The following TBC1D2 variants were observed in gnomAD, a reference collection of about 807,000 sequenced individuals.
TBC1D2 encodes TBC1 domain family member 2A.
Under a neutral mutation model 91.1 loss-of-function variants are expected in TBC1D2, and 58 were observed. The ratio of observed to expected loss-of-function variants is 0.64; its 90% confidence interval spans 0.52 to 0.79. The LOEUF (loss-of-function observed/expected upper bound fraction) is 0.79. Ranked by LOEUF, TBC1D2 falls within the 30% of genes least tolerant of loss-of-function variation. The pLI is 0.00. For missense variants in TBC1D2, 1,080 were observed against 1,208.3 expected, an observed-to-expected ratio of 0.89 and a Z score of 1.57; for synonymous variants, 482 against 511.5, an observed-to-expected ratio of 0.94 and a Z score of 0.78.
chr9:98,239,133 A>G (rs1244076812), intron 3 of TBC1D2, among the ~76,000 whole-genome samples: 2 of 152,118 alleles, frequency 1.3e-5, no homozygotes, highest in Non-Finnish European at 2.9e-5. Flanking sequence ...CTCATAGCTT[A>G]CTGCAGTCTT....
intron 1 of TBC1D2, among the ~76,000 whole-genome samples, chr9:98,254,722 G>C (rs536497540): frequency 3.6e-4 from 55 of 152,204 alleles, no homozygotes; most frequent in African/African-American, 1.3e-3. Flanking sequence ...ACTGACCTTG[G>C]CCAAAATATC....
chr9:98,201,243 C>T (rs1223179806), intron 11 of TBC1D2, among the ~76,000 whole-genome samples: 2 of 152,128 alleles, frequency 1.3e-5, no homozygotes, highest in Non-Finnish European at 2.9e-5. Context: ...AGGGATGTGC[C>T]TCTCTGATCA....
intron 5 of TBC1D2, among the ~76,000 whole-genome samples, chr9:98,227,873 G>T (rs1196819764): frequency 6.6e-6 from 1 of 152,100 alleles, no homozygotes; most frequent in Admixed American, 6.5e-5. Flanking sequence ...CACTGCTTAG[G>T]GGCAGAAAAG....
At chr9:98,239,533 G>A (rs1179546950) in intron 3 of TBC1D2, among the ~76,000 whole-genome samples, 3 of 152,074 alleles carry the variant, frequency 2.0e-5, no homozygotes, top group Admixed American at 1.3e-4. Context: ...CTACTTTATC[G>A]TGGATTAATC....
chr9:98,207,585 G>A (rs1359033770), intron 9 of TBC1D2, among the ~76,000 whole-genome samples: 1 of 152,078 alleles, frequency 6.6e-6, no homozygotes, highest in Non-Finnish European at 1.5e-5. Context: ...TTTCTTTGGG[G>A]AATTTAGAAC....
At chr9:98,200,184 C>G in intron 12 of TBC1D2, 69 bp downstream of exon 12, 3 of 1,591,888 alleles carry the variant, frequency 1.9e-6, no homozygotes, top group Non-Finnish European at 2.6e-6. Flanking sequence ...CAAACATCAG[C>G]CTCCCCTCTG....
At chr9:98,201,085 G>T (rs936836723) in intron 11 of TBC1D2, among the ~76,000 whole-genome samples, 1 of 152,008 alleles carries the variant, frequency 6.6e-6, no homozygotes, top group Non-Finnish European at 1.5e-5. Context: ...TGTAAACTAG[G>T]GCTGAGTTGG....
chr9:98,232,910 C>T (rs1383782568), intron 4 of TBC1D2, among the ~76,000 whole-genome samples: 2 of 152,090 alleles, frequency 1.3e-5, no homozygotes, highest in African/African-American at 4.8e-5. Flanking sequence ...CTCTGCCTCC[C>T]AGGTTCAAGT....
intron 3 of TBC1D2, among the ~76,000 whole-genome samples, chr9:98,238,450 C>T (rs1270455921): frequency 7.3e-6 from 1 of 136,874 alleles, no homozygotes; most frequent in Non-Finnish European, 1.5e-5. Context: ...AATCCTGCAA[C>T]CTTGCTGAAC....
In TBC1D2 at chr9:98,229,654, G is replaced by A. The variant is rs74391089; in HGVS notation, c.782-506C>T. ...GTACTCTGCATTCTTGCTCCAGAGAGCAGCTCAAGCATTTAACTTGATTCT... is the reference window on the plus strand; with the variant it reads ...GTACTCTGCATTCTTGCTCCAGAGAACAGCTCAAGCATTTAACTTGATTCT... On this transcript the variant is annotated intron_variant, in intron 4 of 12. Transcript: ENST00000465784. Among the ~76,000 whole-genome samples the A allele has an allele frequency of 3.6e-3, 542 of 152,396 alleles. 3 individuals are homozygous for A. The highest frequency in any genetic ancestry group is 0.013 in the African/African-American group (521 of 41,596).
Position 98,204,939 on chromosome 9 carries a change from G to A in TBC1D2, c.2151-1531C>T, listed in dbSNP as rs576705457. Among the ~76,000 whole-genome samples the A allele has an allele frequency of 2.0e-5, 3 of 152,312 alleles. No individual in the cohort carries two copies. The East Asian group carries it at 5.8e-4, about 29-fold the overall frequency. ...ATTCCCTTTGTCTAAGCCCATGGTA[G>A]ACATAAGTAATTGATCACAGTACTC... On this transcript the variant is annotated intron_variant, in intron 9 of 12. Transcript: ENST00000465784.
In TBC1D2 at chr9:98,213,208, T is replaced by C; in HGVS notation, c.1385A>G (p.Glu462Gly). The C allele has an allele frequency of 6.2e-7, 1 of 1,614,150 alleles. No homozygotes were observed. Among genetic ancestry groups the C allele is most frequent in the Non-Finnish European group, 8.5e-7 (1 of 1,180,006 alleles). The change falls in exon 7 of 13, where the codon GAA becomes GGA. Residue 462 changes from glutamate to glycine, a missense_variant. Glu to Gly is a moderately conservative substitution (Grantham distance 98). Coordinates refer to ENST00000465784, the MANE Select transcript of TBC1D2 (RefSeq NM_001267571.2). ...GKIEHLKDDM[E>G]AYRTQNCFLN... ...GAAGCAGTTCTGGGTCCGGTAAGCT[T>C]CCATGTCATCCTGGAGAAGAGAGTA...
At chr9:98,201,776 G>T in intron 10 of TBC1D2, 112 bp from the exon 11 acceptor site, 1 of 1,160,540 alleles carries the variant, frequency 8.6e-7, no homozygotes, top group Non-Finnish European at 1.2e-6. Flanking sequence ...GCTGCTCTGG[G>T]CAGGTCCTTT....
chr9:98,237,609 C>T (rs1002142652), intron 3 of TBC1D2, among the ~76,000 whole-genome samples: 4 of 151,198 alleles, frequency 2.6e-5, no homozygotes, highest in African/African-American at 7.3e-5. Context: ...CAGATTCAAG[C>T]GATTCTCCTG....
intron 9 of TBC1D2, among the ~76,000 whole-genome samples, chr9:98,204,653 C>T (rs1828602778): frequency 1.3e-5 from 2 of 152,186 alleles, no homozygotes; most frequent in Admixed American, 1.3e-4. Context: ...AGAAATATCC[C>T]TTCTCTTTCC....
At chr9:98,210,618 C>T (rs1828808026) in intron 8 of TBC1D2, 38 bp downstream of exon 8, 3 of 1,514,530 alleles carry the variant, frequency 2.0e-6, no homozygotes, top group South Asian at 1.3e-5. Context: ...GAGCCGCCAG[C>T]TCACATAGAC....
Position 98,251,836 on chromosome 9 carries a change from T to C in TBC1D2, c.460A>G (p.Thr154Ala). 6.2e-7 allele frequency: 1 copy of C among 1,604,446 alleles called. No homozygotes were observed. Among genetic ancestry groups the C allele is most frequent in the Non-Finnish European group, 8.5e-7 (1 of 1,175,964 alleles). ...TTCCCAGCCAGGGCGGCATCAGGGG[T>C]GGCAGGAGGTGCCGGCGGGCTGTTG... ...FHNSPPAPPATPDAALAGNGP... is the reference protein window; with the variant it reads ...FHNSPPAPPAAPDAALAGNGP... Residue 154 changes from threonine to alanine, a missense_variant, in exon 2 of 13, where the codon ACC becomes GCC. Coordinates refer to ENST00000465784, the MANE Select transcript of TBC1D2 (RefSeq NM_001267571.2).
At chr9:98,233,598 T>A in intron 3 of TBC1D2, 49 bp from the exon 4 acceptor site, 1 of 1,601,378 alleles carries the variant, frequency 6.2e-7, no homozygotes, top group Non-Finnish European at 8.5e-7. Context: ...CCTGCCTTTC[T>A]GCCCTTCTGT....
At chr9:98,219,575 G>A (rs905587660) in intron 6 of TBC1D2, among the ~76,000 whole-genome samples, 9 of 152,172 alleles carry the variant, frequency 5.9e-5, no homozygotes, top group African/African-American at 1.7e-4. Flanking sequence ...AGCCTACTAC[G>A]CACCCAGCTA....
Sources: gnomAD v4.1 joint callset for allele counts (sites outside exome capture counted in the v4.1 genomes callset) on GRCh38, gnomAD v4.1.1 for gene constraint, MANE v1.5 for transcripts, NCBI Gene and HGNC (gene_info 2026-07-23, HGNC 2026-07-21) for gene names.